Variants in EHMT1 observed in about 807,000 individuals in gnomAD.
The protein encoded by EHMT1 is euchromatic histone lysine methyltransferase 1.
EHMT1 carries 15 observed loss-of-function variants against 147.2 expected under a neutral mutation model. The ratio of observed to expected loss-of-function variants is 0.10; its 90% confidence interval spans 0.07 to 0.16. The LOEUF is 0.16. Ranked by LOEUF, EHMT1 falls within the 10% of genes least tolerant of loss-of-function variation. EHMT1 has a pLI of 1.00. For missense variants in EHMT1, 1,587 were observed against 1,772.4 expected (o/e 0.90, Z 1.88); for synonymous variants, 795 against 709.6 (o/e 1.12, Z -1.91).
chr9:137,777,937 G>C lies in EHMT1; in HGVS notation c.2074G>C (p.Val692Leu), dbSNP rs770534271. The C allele has an allele frequency of 5.0e-6, 8 of 1,613,774 alleles. No individual in the cohort carries two copies. The South Asian group carries it at 8.8e-5, about 18-fold the overall frequency. Residue 692 changes from valine to leucine, a missense_variant, in exon 13 of 27, where the codon GTG (valine) becomes CTG (leucine). Coordinates refer to ENST00000460843, the MANE Select transcript of EHMT1 (RefSeq NM_024757.5). ...CAAGCTGCAGGGTGCAGCCTCCCAC[G>C]TGCCCGAGGGCTTTGATCCAACGGG... ...DDKLQGAASH[V>L]PEGFDPTGPA... is the part of the protein sequence containing the mutation.
chr9:137,687,344 C>T (rs1368113037), intron 1 of EHMT1, among the ~76,000 whole-genome samples: 1 of 152,134 alleles, frequency 6.6e-6, no homozygotes, highest in Non-Finnish European at 1.5e-5. Flanking sequence ...TTATCATTTT[C>T]TGCAACAATA....
chr9:137,784,267 T>C, intron 15 of EHMT1: 1 of 1,497,216 alleles, frequency 6.7e-7, no homozygotes, highest in Middle Eastern at 1.7e-4. Context: ...GGTCCATTCC[T>C]GGGGGCTGAC....
intron 25 of EHMT1, among the ~76,000 whole-genome samples, chr9:137,830,020 G>A (rs1232553403): frequency 6.6e-6 from 1 of 152,198 alleles, no homozygotes; most frequent in African/African-American, 2.4e-5. Context: ...GTTTCAGAGG[G>A]AGGAAGTAGC....
In EHMT1 at chr9:137,775,548, T is replaced by C. The variant is rs1950893088; in HGVS notation, c.1791+296T>C. Among the ~76,000 whole-genome samples, 1 of 150,158 alleles carries C rather than the reference T, an allele frequency of 6.7e-6. No homozygotes were observed. The highest frequency in any genetic ancestry group is 1.5e-5 in the Non-Finnish European group (1 of 67,524). Reference sequence around the variant, plus strand: ...CAGGCCAGAGGAGGGAAGTGAGGGTTGGGGGTGAAGGTGTCTAAGGCACTG... The same window carrying C: ...CAGGCCAGAGGAGGGAAGTGAGGGTCGGGGGTGAAGGTGTCTAAGGCACTG... On this transcript the variant is annotated intron_variant, in intron 11 of 26. Transcript: ENST00000460843. The surrounding 1 kb of genome is among the most constrained non-coding windows in gnomAD (Gnocchi z 6.1).
At position 137,761,576 on chromosome 9, in the gene EHMT1, C is replaced by A. The variant is rs200141814; in HGVS notation, c.1502-1099C>A. Among the ~76,000 whole-genome samples, 25 of 152,258 alleles carry A rather than the reference C, an allele frequency of 1.6e-4. No homozygotes were observed. The East Asian group carries it at 4.6e-3, about 28-fold the overall frequency. On this transcript the variant is annotated intron_variant, in intron 9 of 26. Coordinates refer to ENST00000460843, the MANE Select transcript of EHMT1 (RefSeq NM_024757.5). ...TCAAGTGATTCTCCTGCCTCAGCCT[C>A]CTGAGTAGCTGGGATTACAGGCATG...
chr9:137,804,214 T>G (rs905386837), intron 18 of EHMT1, among the ~76,000 whole-genome samples: 24 of 152,178 alleles, frequency 1.6e-4, no homozygotes, highest in Admixed American at 5.2e-4. Context: ...CAAGACAAGA[T>G]TTGGGTGGGG....
At chr9:137,834,612 C>G in intron 26 of EHMT1, 88 bp downstream of exon 26, 1 of 1,597,016 alleles carries the variant, frequency 6.3e-7, no homozygotes, top group Non-Finnish European at 8.5e-7. Context: ...GGGCTTGTCT[C>G]GGGTTTATGC....
chr9:137,797,868 C>T (rs562355600), intron 16 of EHMT1, among the ~76,000 whole-genome samples: 83 of 152,174 alleles, frequency 5.5e-4, no homozygotes, highest in African/African-American at 1.5e-3. Flanking sequence ...TGGTGGAGTG[C>T]GTCTGCGGGC....
rs189680347 is a variant in EHMT1, at chr9:137,664,559, C to T, written c.21+45510C>T. Among the ~76,000 whole-genome samples the T allele has an allele frequency of 9.9e-5, 15 of 151,876 alleles. No individual in the cohort carries two copies. The East Asian group carries it at 2.3e-3, about 23-fold the overall frequency. On this transcript the variant is annotated intron_variant, in intron 1 of 26. Coordinates refer to ENST00000460843, the MANE Select transcript of EHMT1 (RefSeq NM_024757.5). ...CAGGCGTGAGCAACTGCGCCTGGCC[C>T]GATACTCTCATTGACAGACTTTAAT... is the stretch of plus-strand genomic sequence containing the variant.
At chr9:137,665,053 G>T (rs1939482625) in intron 1 of EHMT1, 1 of 152,104 alleles carries the variant, frequency 6.6e-6, no homozygotes, top group African/African-American at 2.4e-5. Context: ...TAGAAAGCGT[G>T]GGGGAGTTAT....
At chr9:137,691,014 T>A (rs902606980) in intron 1 of EHMT1, among the ~76,000 whole-genome samples, 2 of 152,182 alleles carry the variant, frequency 1.3e-5, no homozygotes, top group African/African-American at 4.8e-5. Context: ...TATATTCACA[T>A]TGTGCTGCTG....
At chr9:137,650,246 G>A (rs965369170) in intron 1 of EHMT1, among the ~76,000 whole-genome samples, 11 of 152,076 alleles carry the variant, frequency 7.2e-5, no homozygotes, top group African/African-American at 1.9e-4. Context: ...CTACACAGGT[G>A]TGGGCCACAA....
At chr9:137,628,005 C>G (rs111716901) in intron 1 of EHMT1, among the ~76,000 whole-genome samples, 1 of 152,162 alleles carries the variant, frequency 6.6e-6, no homozygotes, top group Non-Finnish European at 1.5e-5. Flanking sequence ...CCACCATGCC[C>G]GGCCATTTTT....
chr9:137,660,508 C>G (rs1170556956), intron 1 of EHMT1, among the ~76,000 whole-genome samples: 1 of 152,026 alleles, frequency 6.6e-6, no homozygotes, highest in African/African-American at 2.4e-5. Context: ...ACTCTCTTGG[C>G]CAGACTGGAG....
intron 2 of EHMT1, among the ~76,000 whole-genome samples, chr9:137,711,596 T>C (rs1261359113): frequency 6.6e-6 from 1 of 151,746 alleles, no homozygotes; most frequent in Non-Finnish European, 1.5e-5. Context: ...GAGGGAGTGG[T>C]GTGGAAGCAA....
intron 1 of EHMT1, chr9:137,620,085 T>C (rs1026509910): frequency 6.6e-6 from 1 of 152,226 alleles, no homozygotes; most frequent in Non-Finnish European, 1.5e-5. Context: ...TATGGCCTTT[T>C]TGTTTATTTT....
chr9:137,697,244 G>C, intron 1 of EHMT1: 1 of 238,360 alleles, frequency 4.2e-6, no homozygotes. Context: ...TGGTGCCACT[G>C]CACGCCAGCC....
At chr9:137,831,775 G>C (rs1481723519) in intron 25 of EHMT1, among the ~76,000 whole-genome samples, 1 of 152,252 alleles carries the variant, frequency 6.6e-6, no homozygotes, top group Non-Finnish European at 1.5e-5. Context: ...GGTCCCTTGA[G>C]TTGTTCCTGT....
chr9:137,713,582 T>C (rs1489712877), intron 2 of EHMT1, among the ~76,000 whole-genome samples: 3 of 151,860 alleles, frequency 2.0e-5, no homozygotes, highest in Admixed American at 6.6e-5. Context: ...CTAAGTATTA[T>C]ATTTTTTGAT....
Sources: allele counts gnomAD v4.1 joint callset (sites outside exome capture counted in the v4.1 genomes callset), GRCh38; gene constraint gnomAD v4.1.1; non-coding constraint Gnocchi (gnomAD v3.1); transcripts MANE v1.5; gene names NCBI Gene and HGNC (gene_info 2026-07-23, HGNC 2026-07-21).